Variants in PIGG observed in about 807,000 individuals in gnomAD.
PIGG encodes the protein GPI ethanolamine phosphate transferase 2, catalytic subunit.
PIGG carries 70 observed loss-of-function variants against 83.2 expected under a neutral mutation model. The ratio of observed to expected loss-of-function variants is 0.84; its 90% CI spans 0.69 to 1.03. The LOEUF (loss-of-function observed/expected upper bound fraction) is 1.03, where lower values mean the gene tolerates loss of function less well. Ranked by LOEUF, PIGG falls within the 50% of genes least tolerant of loss-of-function variation. The pLI is 0.00. For synonymous variants in PIGG, 532 were observed against 519.5 expected (o/e 1.02, Z -0.33); for missense variants, 1,257 against 1,233.6 (o/e 1.02, Z -0.28).
intron 2 of PIGG, 30 bp downstream of exon 2, chr4:500,631 T>C: frequency 7.1e-7 from 1 of 1,399,716 alleles, no homozygotes; most frequent in Non-Finnish European, 1.0e-6. Flanking sequence ...TTATGAATCA[T>C]GGTTTGGCTG....
rs369079547 is a variant in PIGG at position 531,072 on chromosome 4, A to G, written c.2571+327A>G. On this transcript the variant is annotated intron_variant, in intron 11 of 12. Transcript: ENST00000453061. ...ATGAATGTAATAATTGTTCTCGTTCATGCCCTTTGCCCCTGGTGTCGGGGC... is the reference window on the plus strand; with the variant it reads ...ATGAATGTAATAATTGTTCTCGTTCGTGCCCTTTGCCCCTGGTGTCGGGGC... 41 of 277,140 alleles carry G rather than the reference A, an allele frequency of 1.5e-4. No individual in the cohort carries two copies. The South Asian group carries it at 1.5e-3, about 10-fold the overall frequency. 17.2% of individuals were successfully genotyped at this position (277,140 alleles called of 1,614,324 possible). A position where few individuals can be genotyped will look rare whatever the true frequency, so the allele number is the denominator to read the frequency against.
intron 11 of PIGG, chr4:531,194 C>T (rs1409865102): frequency 1.2e-5 from 2 of 168,876 alleles, no homozygotes; most frequent in Admixed American, 1.2e-4. Context: ...AGACCCATCC[C>T]AGACAAGCCC....
chr4:534,234 G>T (rs894661144), intron 12 of PIGG, among the ~76,000 whole-genome samples: 1 of 152,102 alleles, frequency 6.6e-6, no homozygotes, highest in East Asian at 1.9e-4. Flanking sequence ...ACGGGGCCTC[G>T]CTGGGCTGCC....
Position 507,595 on chromosome 4 carries a change from T to C in PIGG, c.759+2T>C, listed in dbSNP as rs1720189292. The C allele has an allele frequency of 6.2e-7, 1 of 1,608,366 alleles. No individual in the cohort carries two copies. The highest frequency in any genetic ancestry group is 8.5e-7 in the Non-Finnish European group (1 of 1,176,742). On this transcript the variant is annotated splice_donor_variant, in intron 4 of 12. Transcript: ENST00000453061. LOFTEE classifies it high-confidence loss of function. ...ATCCACACCTCACTGCAGTCGAAGG[T>C]GAGGCTCGCCGTCGCTCACTGTCTG... is the stretch of plus-strand genomic sequence containing the variant.
chr4:527,195 G>C lies in PIGG; in HGVS notation c.2226G>C (p.Arg742=), dbSNP rs1471229118. 6.2e-7 allele frequency: 1 copy of C among 1,605,978 alleles called. No individual in the cohort carries two copies. The highest frequency in any genetic ancestry group is 1.1e-5 in the South Asian group (1 of 90,124). ...YCYRAAIGSV[R]FPWRPDSKDI... is the part of the protein sequence containing the mutation. Reference sequence around the variant, plus strand: ...ACCGGGCGGCCATCGGGAGTGTCCGGTTCCCGTGGCGGCCGGACAGCAAGG... The same window carrying C: ...ACCGGGCGGCCATCGGGAGTGTCCGCTTCCCGTGGCGGCCGGACAGCAAGG... Residue 742 remains arginine (R), a synonymous_variant, in exon 10 of 13, where the codon CGG becomes CGC. Transcript: ENST00000453061.
rs1490790112 is a variant in PIGG at position 523,831 on chromosome 4, G to A, written c.1987G>A (p.Ala663Thr). The A allele has an allele frequency of 6.2e-7, 1 of 1,609,460 alleles. No individual in the cohort carries two copies. Among genetic ancestry groups the A allele is most frequent in the African/African-American group, 1.3e-5 (1 of 74,958 alleles). The change falls in exon 9 of 13, where the codon GCC (alanine) becomes ACC (threonine). Residue 663 changes from alanine to threonine, a missense_variant. Physicochemically the swap from Ala to Thr is moderately conservative, Grantham distance 58. Coordinates refer to ENST00000453061, the MANE Select transcript of PIGG (RefSeq NM_001127178.3). ...MVLASPWLIL[A>T]CCRLLRSLNQ... is the part of the protein sequence containing the mutation. Reference sequence around the variant, plus strand: ...GCTGGCCAGTCCGTGGCTAATACTGGCCTGCTGCCGGCTGCTGCGCTCCCT... The same window carrying A: ...GCTGGCCAGTCCGTGGCTAATACTGACCTGCTGCCGGCTGCTGCGCTCCCT...
In PIGG at chr4:499,477, GA is replaced by G. The variant is rs1560259068; in HGVS notation, c.144del (p.Glu48AspfsTer25). 6.3e-7 allele frequency: 1 copy of G among 1,598,438 alleles called. No individual in the cohort carries two copies. Among genetic ancestry groups the G allele is most frequent in the Non-Finnish European group, 8.5e-7 (1 of 1,178,560 alleles). ...AEHGAEPPAP[E>X]PSAGASSNWT... Reference sequence around the variant, plus strand: ...ACACGGAGCGGAGCCCCCAGCGCCCGAACCCTCGGCTGGTACGGACCCCTCC... The same window carrying G: ...ACACGGAGCGGAGCCCCCAGCGCCCGACCCTCGGCTGGTACGGACCCCTCC... On this transcript the variant is annotated frameshift_variant, in exon 1 of 13. Coordinates refer to ENST00000453061, the MANE Select transcript of PIGG (RefSeq NM_001127178.3). LOFTEE classifies it high-confidence loss of function.
intron 9 of PIGG, chr4:525,454 C>A: frequency 1.4e-6 from 1 of 696,458 alleles, no homozygotes; most frequent in Non-Finnish European, 1.8e-6. Flanking sequence ...TAAGAAATGG[C>A]AGCAGAAGGA....
chr4:517,658 T>C (rs1365468172), intron 6 of PIGG, among the ~76,000 whole-genome samples: 1 of 150,774 alleles, frequency 6.6e-6, no homozygotes, highest in African/African-American at 2.4e-5. Context: ...AGATGGAGAG[T>C]GGGGGAAGGC....
intron 12 of PIGG, among the ~76,000 whole-genome samples, chr4:535,464 G>A (rs1335430430): frequency 9.8e-6 from 1 of 102,164 alleles, no homozygotes; most frequent in Non-Finnish European, 1.9e-5. Context: ...GAGCGTCTGG[G>A]ACACTGACTG....
intron 4 of PIGG, among the ~76,000 whole-genome samples, chr4:508,577 G>A (rs1446563568): frequency 2.6e-5 from 4 of 152,198 alleles, no homozygotes; most frequent in Admixed American, 6.5e-5. Context: ...GATACAAACC[G>A]TCTGCCATCA....
chr4:502,134 T>C (rs1467677103), intron 2 of PIGG: 2 of 152,222 alleles, frequency 1.3e-5, no homozygotes, highest in Non-Finnish European at 2.9e-5. Flanking sequence ...ACAGGCAGAT[T>C]TGAGAAAATG....
intron 6 of PIGG, among the ~76,000 whole-genome samples, chr4:519,225 T>A (rs4616693): frequency 2.0e-5 from 3 of 152,126 alleles, no homozygotes; most frequent in Non-Finnish European, 4.4e-5. Context: ...CGTGCGTGCG[T>A]GTCTGTGAGC....
At chr4:508,690 T>G (rs1025214773) in intron 4 of PIGG, 139 bp from the exon 5 acceptor site, 5 of 710,140 alleles carry the variant, frequency 7.0e-6, no homozygotes, top group Non-Finnish European at 1.2e-5. Context: ...GGCTATGAGC[T>G]CATAGGAAAA....
At chr4:526,090 T>C (rs1727520607) in intron 9 of PIGG, among the ~76,000 whole-genome samples, 1 of 152,258 alleles carries the variant, frequency 6.6e-6, no homozygotes, top group Non-Finnish European at 1.5e-5. Context: ...AGGTCAACCA[T>C]AGTCTGAAAA....
At position 539,403 on chromosome 4, in the gene PIGG, T is replaced by A; in HGVS notation, c.*34T>A. 8.0e-7 allele frequency: 1 copy of A among 1,244,700 alleles called. No individual in the cohort carries two copies. The highest frequency in any genetic ancestry group is 1.2e-6 in the Non-Finnish European group (1 of 863,582). The allele number at this position is 1,244,700 out of a possible 1,614,324, so 77.1% of individuals were successfully genotyped here. ...GAACACTGGAAAAATAATACATGCT[T>A]AAAGTCTGCTGTTATTCTAAAATGA... On this transcript the variant is annotated 3_prime_UTR_variant, in exon 13 of 13. Transcript: ENST00000453061.
intron 2 of PIGG, among the ~76,000 whole-genome samples, chr4:504,364 C>T (rs1337339666): frequency 4.6e-5 from 7 of 152,148 alleles, no homozygotes; most frequent in South Asian, 2.1e-4. Flanking sequence ...GCTGCTGCAG[C>T]GTGGAGCTGG....
intron 12 of PIGG, 44 bp from the exon 13 acceptor site, chr4:539,108 AT>A: frequency 8.3e-7 from 1 of 1,210,688 alleles, no homozygotes; most frequent in Non-Finnish European, 1.2e-6. Context: ...CATGTGTGAT[AT>A]GTAAGTGGCA....
intron 9 of PIGG, among the ~76,000 whole-genome samples, chr4:526,431 G>C (rs1215934285): frequency 6.6e-6 from 1 of 152,236 alleles, no homozygotes; most frequent in African/African-American, 2.4e-5. Context: ...GGGACTCCGG[G>C]CTCTGCCCTC....
Sources: gnomAD v4.1 joint callset for allele counts (sites outside exome capture counted in the v4.1 genomes callset) on GRCh38, gnomAD v4.1.1 for gene constraint, MANE v1.5 for transcripts, NCBI Gene and HGNC (gene_info 2026-07-23, HGNC 2026-07-21) for gene names.